The following ST7L variants were observed in gnomAD, a reference collection of about 807,000 sequenced individuals.
ST7L encodes the protein suppressor of tumorigenicity 7 protein-like.
In ST7L, 57 loss-of-function variants were observed where a neutral mutation model predicts 72.5. That is an observed-to-expected ratio of 0.79 (90% CI 0.64 to 0.98). ST7L has a LOEUF of 0.98. Ranked by LOEUF, ST7L falls within the 50% of genes least tolerant of loss-of-function variation. The pLI, the probability that ST7L is intolerant of heterozygous loss-of-function variation, is 0.00. For synonymous variants in ST7L, 221 were observed against 240.9 expected (o/e 0.92, Z 0.77); for missense variants, 576 against 672.2 (o/e 0.86, Z 1.58).
At chr1:112,602,534 C>A (rs1400040642) in intron 3 of ST7L, among the ~76,000 whole-genome samples, 3 of 152,086 alleles carry the variant, frequency 2.0e-5, no homozygotes, top group African/African-American at 4.8e-5. Flanking sequence ...CTTCCACATC[C>A]TTACAGTAAA....
chr1:112,549,775 C>T lies in ST7L; in HGVS notation c.1489+826G>A, dbSNP rs558422438. Among the ~76,000 whole-genome samples the T allele has an allele frequency of 4.6e-5, 7 of 152,212 alleles. No homozygotes were observed. In the South Asian group the frequency reaches 1.4e-3, roughly 32 times the overall value. On this transcript the variant is annotated intron_variant, in intron 13 of 14. Coordinates refer to ENST00000358039, the MANE Select transcript of ST7L (RefSeq NM_017744.5). ...TCCTCCTTGCCAATAACGAGTGCCT[C>T]TTATTGCTTTTTGTTGCCTGGTAAC... is the stretch of plus-strand genomic sequence containing the variant.
Position 112,603,944 on chromosome 1 carries a change from T to C in ST7L, c.452-3096A>G, listed in dbSNP as rs947434176. ...GGGGATTAGGGGTTCAAAATATGAATTTTGGGGAACACAATTCAGTCTACA... is the reference window on the plus strand; with the variant it reads ...GGGGATTAGGGGTTCAAAATATGAACTTTGGGGAACACAATTCAGTCTACA... On this transcript the variant is annotated intron_variant, in intron 3 of 14. Transcript: ENST00000358039. 5.3e-5 allele frequency among the ~76,000 whole-genome samples: 8 copies of C among 152,170 alleles called. 1 individual carries two copies. The highest frequency in any genetic ancestry group is 1.7e-4 in the African/African-American group (7 of 41,454).
At chr1:112,595,847 C>T (rs1666402733) in intron 5 of ST7L, among the ~76,000 whole-genome samples, 1 of 152,144 alleles carries the variant, frequency 6.6e-6, no homozygotes, top group Non-Finnish European at 1.5e-5. Context: ...ATTACATTCT[C>T]TATGATTATT....
At chr1:112,571,380 A>G (rs1306458226) in intron 11 of ST7L, 1 of 455,106 alleles carries the variant, frequency 2.2e-6, no homozygotes, top group East Asian at 7.0e-5. Context: ...TTAAAATGTT[A>G]AAGTGTATAT....
downstream of ST7L, among the ~76,000 whole-genome samples, chr1:112,519,961 C>T (rs991400406): frequency 4.7e-5 from 7 of 150,528 alleles, no homozygotes; most frequent in African/African-American, 1.7e-4. Flanking sequence ...GCAGCCTCGA[C>T]CTCCCAGCCT....
intron 6 of ST7L, among the ~76,000 whole-genome samples, chr1:112,587,740 G>C (rs990337251): frequency 6.6e-6 from 1 of 152,162 alleles, no homozygotes; most frequent in Non-Finnish European, 1.5e-5. Context: ...TTTTTAAATT[G>C]TGTAGTGTGA....
chr1:112,590,953 C>CA lies in ST7L; in HGVS notation c.701+571dup, dbSNP rs1171450660. Among the ~76,000 whole-genome samples, 116 of 124,796 alleles carry CA rather than the reference C, an allele frequency of 9.3e-4. 1 individual carries two copies. Among genetic ancestry groups the CA allele is most frequent in the African/African-American group, 3.6e-3 (112 of 31,356 alleles). 81.9% of individuals were successfully genotyped at this position (124,796 alleles called of 152,430 possible). On this transcript the variant is annotated intron_variant, in intron 6 of 14. Coordinates refer to ENST00000358039, the MANE Select transcript of ST7L (RefSeq NM_017744.5). ...CCTTTTTTTTTTTTTTTTTTTGAGA[C>CA]AGAGTCTTGCTCTGTCGCCCAAGCT...
intron 14 of ST7L, among the ~76,000 whole-genome samples, chr1:112,538,191 C>T (rs1166409588): frequency 1.3e-5 from 2 of 152,282 alleles, no homozygotes; most frequent in East Asian, 3.9e-4. Context: ...TTTATTTGGC[C>T]ATCAAATATC....
At chr1:112,591,693 TTAAA>T in intron 5 of ST7L, 90 bp from the exon 6 acceptor site, 1 of 837,314 alleles carries the variant, frequency 1.2e-6, no homozygotes, top group East Asian at 2.8e-5. Flanking sequence ...AAGCAAAGCT[TTAAA>T]TAATATATTC....
intron 1 of ST7L, 118 bp downstream of exon 1, chr1:112,618,791 C>T (rs879456573): frequency 7.3e-5 from 106 of 1,455,424 alleles, no homozygotes; most frequent in Admixed American, 1.4e-4. Context: ...CACTTGATCG[C>T]TCATCATCGA....
At chr1:112,591,059 T>C (rs542542149) in intron 6 of ST7L, among the ~76,000 whole-genome samples, 10 of 151,506 alleles carry the variant, frequency 6.6e-5, no homozygotes, top group African/African-American at 2.4e-4. Context: ...GCCTCCTGAG[T>C]AGCTGGGACT....
chr1:112,536,362 T>C (rs1013626319), intron 14 of ST7L, among the ~76,000 whole-genome samples: 8 of 152,128 alleles, frequency 5.3e-5, no homozygotes, highest in Non-Finnish European at 1.0e-4. Context: ...AAAAAACATA[T>C]ATTTTTCAAT....
intron 13 of ST7L, among the ~76,000 whole-genome samples, chr1:112,550,112 G>A (rs1051644964): frequency 1.3e-5 from 2 of 152,072 alleles, no homozygotes; most frequent in African/African-American, 2.4e-5. Context: ...GCATTTGTGA[G>A]GTAAATCCCA....
At chr1:112,572,068 G>A (rs1357777545) in intron 11 of ST7L, among the ~76,000 whole-genome samples, 1 of 152,172 alleles carries the variant, frequency 6.6e-6, no homozygotes, top group Non-Finnish European at 1.5e-5. Context: ...CTCCAACAGA[G>A]CTCTTGGGTG....
At position 112,549,603 on chromosome 1, in the gene ST7L, TATAG is replaced by T. The variant is rs201955842; in HGVS notation, c.1489+994_1489+997del. On this transcript the variant is annotated intron_variant, in intron 13 of 14. Transcript: ENST00000358039. ...ATTTTCAGATTGTTCATTACTAGTATATAGATATATAATTAATTTTAGTATATTG... is the reference window on the plus strand; with the variant it reads ...ATTTTCAGATTGTTCATTACTAGTATATATATAATTAATTTTAGTATATTG... Among the ~76,000 whole-genome samples the T allele has an allele frequency of 7.7e-3, 1,173 of 152,306 alleles. 7 individuals carry two copies. Among genetic ancestry groups the T allele is most frequent in the Middle Eastern group, 0.014 (4 of 294 alleles).
chr1:112,611,659 G>T (rs930252024), intron 2 of ST7L, among the ~76,000 whole-genome samples: 3 of 152,088 alleles, frequency 2.0e-5, no homozygotes, highest in African/African-American at 7.2e-5. Context: ...GAGAAACCAG[G>T]CCAGACACGG....
chr1:112,552,545 C>T (rs895707874), intron 12 of ST7L, among the ~76,000 whole-genome samples: 2 of 152,174 alleles, frequency 1.3e-5, no homozygotes, highest in African/African-American at 4.8e-5. Flanking sequence ...GCTGGGATTA[C>T]AGGCATGCGC....
downstream of ST7L, chr1:112,518,570 A>G (rs1652692091): frequency 6.6e-6 from 1 of 152,196 alleles, no homozygotes; most frequent in African/African-American, 2.4e-5. Context: ...CCTGCCACTA[A>G]GTATACTTTC....
chr1:112,532,559 GA>G (rs1216428384), intron 14 of ST7L, among the ~76,000 whole-genome samples: 5 of 152,148 alleles, frequency 3.3e-5, no homozygotes, highest in Non-Finnish European at 2.9e-5. Flanking sequence ...CATCTGCAAG[GA>G]TGTTTAAAGG....
Sources: gnomAD v4.1 joint callset for allele counts (sites outside exome capture counted in the v4.1 genomes callset) on GRCh38, gnomAD v4.1.1 for gene constraint, MANE v1.5 for transcripts, NCBI Gene and HGNC (gene_info 2026-07-23, HGNC 2026-07-21) for gene names.